The following APLP2 variants were observed in gnomAD, a reference collection of about 807,000 sequenced individuals.
APLP2 encodes the protein amyloid beta precursor like protein 2.
A neutral mutation model predicts 89.9 loss-of-function variants in APLP2; 53 were observed. That is an observed-to-expected ratio of 0.59 (90% CI 0.47 to 0.74). The LOEUF (loss-of-function observed/expected upper bound fraction) is 0.74, where lower values mean the gene tolerates loss of function less well. Among genes scored for constraint, APLP2 ranks in the 30% least tolerant of loss-of-function variants. The pLI is 0.00. For synonymous variants in APLP2, 372 were observed against 348.6 expected (o/e 1.07, Z -0.75); for missense variants, 973 against 975.9 (o/e 1.00, Z 0.04).
chr11:130,123,515 T>A lies in APLP2; in HGVS notation c.923-97T>A, dbSNP rs1273445932. On this transcript the variant is annotated intron_variant, in intron 6 of 16. Transcript: ENST00000338167. The surrounding 1 kb of genome is among the most constrained non-coding windows in gnomAD (Gnocchi z 4.0). ...TCCAGGCTCCGTCCAGTCTCAGGCCTCCCCCAGCCCATCCCCCAGCTCGCC... is the reference window on the plus strand; with the variant it reads ...TCCAGGCTCCGTCCAGTCTCAGGCCACCCCCAGCCCATCCCCCAGCTCGCC... 2 of 1,341,260 alleles carry A rather than the reference T, an allele frequency of 1.5e-6. No individual in the cohort carries two copies. The highest frequency in any genetic ancestry group is 4.8e-5 in the East Asian group (2 of 42,080). 83.1% of individuals were successfully genotyped at this position (1,341,260 alleles called of 1,614,324 possible).
At chr11:130,120,356 A>G (rs1213001227) in intron 3 of APLP2, among the ~76,000 whole-genome samples, 1 of 151,222 alleles carries the variant, frequency 6.6e-6, no homozygotes, top group Non-Finnish European at 1.5e-5. Context: ...GTGGGCAGGA[A>G]TAAGGAAGGC....
intron 1 of APLP2, among the ~76,000 whole-genome samples, chr11:130,074,196 G>A (rs1694490177): frequency 6.6e-6 from 1 of 152,098 alleles, no homozygotes; most frequent in Admixed American, 6.5e-5. Flanking sequence ...TTGAAAACAT[G>A]TTTTGTTGTT....
At chr11:130,070,787 A>G (rs1304628461) in intron 1 of APLP2, 13 of 1,350,676 alleles carry the variant, frequency 9.6e-6, no homozygotes, top group Middle Eastern at 3.8e-4. Context: ...GTGAGTAGGG[A>G]AGGTGCCCGC....
Position 130,112,118 on chromosome 11 carries a change from C to T in APLP2, c.403+1457C>T, listed in dbSNP as rs75992416. Reference sequence around the variant, plus strand: ...TAAATAGGCTTATAGTCATGATTTTCAAACTGTGCGCCGAGGCACCTCGGG... The same window carrying T: ...TAAATAGGCTTATAGTCATGATTTTTAAACTGTGCGCCGAGGCACCTCGGG... On this transcript the variant is annotated intron_variant, in intron 3 of 16. Transcript: ENST00000338167. Among the ~76,000 whole-genome samples the T allele has an allele frequency of 8.9e-3, 1,357 of 152,286 alleles. 95 individuals carry two copies. In the East Asian group the frequency reaches 0.2, roughly 22 times the overall value.
At chr11:130,111,855 G>A (rs1948617485) in intron 3 of APLP2, among the ~76,000 whole-genome samples, 1 of 152,190 alleles carries the variant, frequency 6.6e-6, no homozygotes, top group South Asian at 2.1e-4. Context: ...AAAGTGAAAT[G>A]AGATTATCCT....
At chr11:130,142,859 C>T (rs968386593) in intron 16 of APLP2, among the ~76,000 whole-genome samples, 5 of 152,160 alleles carry the variant, frequency 3.3e-5, no homozygotes, top group Non-Finnish European at 5.9e-5. Flanking sequence ...GTGATCCACC[C>T]GCCTCAGCCT....
chr11:130,121,180 C>T (rs1379633976), intron 4 of APLP2, among the ~76,000 whole-genome samples: 2 of 152,204 alleles, frequency 1.3e-5, no homozygotes, highest in Non-Finnish European at 2.9e-5. Flanking sequence ...GACTGCATGC[C>T]ATCTCACTTT....
intron 2 of APLP2, 56 bp downstream of exon 2, chr11:130,109,658 T>G: frequency 2.0e-6 from 3 of 1,534,498 alleles, no homozygotes; most frequent in Non-Finnish European, 2.6e-6. Context: ...GGGTTGAATC[T>G]GTTTACCTTA....
At chr11:130,121,892 C>T in intron 5 of APLP2, 82 bp downstream of exon 5, 1 of 1,547,330 alleles carries the variant, frequency 6.5e-7, no homozygotes, top group African/African-American at 1.4e-5. Context: ...CTGCTAGTCC[C>T]TCACTTCTGG....
intron 3 of APLP2, among the ~76,000 whole-genome samples, chr11:130,111,838 CAAACTA>C (rs989000559): frequency 3.1e-4 from 47 of 152,256 alleles, no homozygotes; most frequent in African/African-American, 1.1e-3. Context: ...AAAAAGTTCT[CAAACTA>C]AAAGTGAAAT....
intron 1 of APLP2, among the ~76,000 whole-genome samples, chr11:130,083,560 A>G (rs1034483639): frequency 6.6e-6 from 1 of 152,210 alleles, no homozygotes; most frequent in African/African-American, 2.4e-5. Flanking sequence ...GATATCCCAT[A>G]TAAGGGGAAT....
At position 130,135,649 on chromosome 11, in the gene APLP2, G is replaced by A. The variant is rs753139450; in HGVS notation, c.1771G>A (p.Glu591Lys). The A allele has an allele frequency of 6.2e-7, 1 of 1,614,166 alleles. No individual in the cohort carries two copies. Among genetic ancestry groups the A allele is most frequent in the Non-Finnish European group, 8.5e-7 (1 of 1,180,018 alleles). The part of the protein sequence containing the change: ...ETPVDVRVSS[E>K]ESEEIPPFHP... Reference sequence around the variant, plus strand: ...CCCTGTGGACGTCCGGGTGAGCTCTGAGGAGAGTGAGGAGATCCCACCGTT... The same window carrying A: ...CCCTGTGGACGTCCGGGTGAGCTCTAAGGAGAGTGAGGAGATCCCACCGTT... The change falls in exon 13 of 17, where the codon GAG (glutamate) becomes AAG (lysine). Residue 591 changes from glutamate (E) to lysine (K), a missense_variant. Transcript: ENST00000338167.
chr11:130,126,968 A>G (rs1029955330), intron 8 of APLP2, 138 bp downstream of exon 8: 3 of 1,136,696 alleles, frequency 2.6e-6, no homozygotes, highest in South Asian at 1.6e-5. Flanking sequence ...GAGAGTTACC[A>G]GTGGAGCTGC....
chr11:130,133,906 A>G (rs918093143), intron 12 of APLP2, among the ~76,000 whole-genome samples, 178 bp downstream of exon 12: 3 of 152,186 alleles, frequency 2.0e-5, no homozygotes, highest in Admixed American at 6.5e-5. Context: ...TGAAGGAGGA[A>G]CCAAGGACAG....
At chr11:130,130,753 A>G (rs1177902076) in intron 11 of APLP2, among the ~76,000 whole-genome samples, 3 of 152,218 alleles carry the variant, frequency 2.0e-5, no homozygotes, top group Admixed American at 6.5e-5. Flanking sequence ...TATAGTAACA[A>G]CGCTGATCTT....
intron 2 of APLP2, 73 bp from the exon 3 acceptor site, chr11:130,110,465 A>T (rs1422882473): frequency 1.3e-6 from 2 of 1,567,736 alleles, no homozygotes; most frequent in African/African-American, 1.4e-5. Context: ...AAACTTAGAC[A>T]CTCCATCCTT....
chr11:130,137,881 G>A (rs879781), intron 13 of APLP2, among the ~76,000 whole-genome samples: 22,885 of 152,202 alleles, frequency 0.15, 3,664 homozygotes, highest in African/African-American at 0.4. Context: ...TTAACGTTCC[G>A]TAAAGCACTA....
intron 3 of APLP2, among the ~76,000 whole-genome samples, chr11:130,113,661 C>G (rs534715042): frequency 6.6e-6 from 1 of 152,150 alleles, no homozygotes. Flanking sequence ...GCTGTCACCT[C>G]CACTTCGAGC....
chr11:130,075,651 C>T (rs1043294621), intron 1 of APLP2, among the ~76,000 whole-genome samples: 5 of 152,162 alleles, frequency 3.3e-5, no homozygotes, highest in East Asian at 3.9e-4. Context: ...TAATTTATCT[C>T]CATAAGTCCC....
Sources: allele counts gnomAD v4.1 joint callset (sites outside exome capture counted in the v4.1 genomes callset), GRCh38; gene constraint gnomAD v4.1.1; non-coding constraint Gnocchi (gnomAD v3.1); transcripts MANE v1.5; gene names NCBI Gene and HGNC (gene_info 2026-07-23, HGNC 2026-07-21).